PHLPP2: variants seen among roughly 807,000 people sequenced by gnomAD.
PHLPP2 encodes the protein PH domain leucine-rich repeat-containing protein phosphatase 2.
Under a neutral mutation model 124.9 loss-of-function variants are expected in PHLPP2, and 66 were observed. The ratio of observed to expected loss-of-function variants is 0.53; its 90% CI spans 0.43 to 0.65. PHLPP2 has a LOEUF of 0.65. Among genes scored for constraint, PHLPP2 ranks in the 30% least tolerant of loss-of-function variants. The pLI, the probability that PHLPP2 is intolerant of heterozygous loss-of-function variation, is 0.00. For synonymous variants in PHLPP2, 681 were observed against 624.7 expected (o/e 1.09, Z -1.34); for missense variants, 1,685 against 1,600.4 (o/e 1.05, Z -0.90).
chr16:71,704,934 G>A (rs1022126481), intron 2 of PHLPP2, among the ~76,000 whole-genome samples: 6 of 152,146 alleles, frequency 3.9e-5, no homozygotes, highest in African/African-American at 4.8e-5. Context: ...GACAAGGAGA[G>A]TAAGGATATA....
intron 1 of PHLPP2, chr16:71,715,108 T>C (rs1597019635): frequency 3.1e-6 from 1 of 322,914 alleles, no homozygotes; most frequent in Non-Finnish European, 5.7e-6. Flanking sequence ...TCCCAGCACT[T>C]TGGGGGGCCA....
chr16:71,658,631 T>A (rs1384960655), intron 14 of PHLPP2, 22 bp downstream of exon 14: 2 of 1,607,896 alleles, frequency 1.2e-6, no homozygotes, highest in Non-Finnish European at 1.7e-6. Context: ...AATAAGGACA[T>A]CATTCCAGCA....
intron 16 of PHLPP2, 74 bp downstream of exon 16, chr16:71,656,497 T>C (rs1219291622): frequency 1.2e-6 from 1 of 800,908 alleles, no homozygotes; most frequent in East Asian, 2.5e-5. Context: ...CTAGCTATTA[T>C]GAGCATCAGG....
intron 6 of PHLPP2, among the ~76,000 whole-genome samples, chr16:71,681,143 CCAGA>C (rs1191576969): frequency 2.6e-5 from 4 of 152,066 alleles, no homozygotes; most frequent in African/African-American, 9.7e-5. Context: ...CTCCAGAAGC[CCAGA>C]CAATTACTTA....
intron 2 of PHLPP2, among the ~76,000 whole-genome samples, chr16:71,713,158 C>T (rs1278386247): frequency 6.6e-6 from 1 of 152,020 alleles, no homozygotes; most frequent in African/African-American, 2.4e-5. Context: ...CAACAAAATT[C>T]CTCTCACATT....
intron 12 of PHLPP2, among the ~76,000 whole-genome samples, chr16:71,665,579 G>C (rs1213006497): frequency 2.0e-5 from 3 of 152,128 alleles, no homozygotes; most frequent in Non-Finnish European, 1.5e-5. Flanking sequence ...TGAAATATAA[G>C]TTTTACATAA....
At chr16:71,678,669 A>G in intron 8 of PHLPP2, 86 bp downstream of exon 8, 1 of 781,976 alleles carries the variant, frequency 1.3e-6, no homozygotes. Flanking sequence ...AAAAACCCTA[A>G]TGTTTTAAAC....
chr16:71,721,978 T>G (rs1317513034), intron 1 of PHLPP2, among the ~76,000 whole-genome samples: 3 of 152,176 alleles, frequency 2.0e-5, no homozygotes, highest in Non-Finnish European at 4.4e-5. Flanking sequence ...ATGTTCATGA[T>G]TTGGTATTAG....
At chr16:71,650,184 G>A (rs1287514744) in intron 18 of PHLPP2, 140 bp from the exon 19 acceptor site, 13 of 631,008 alleles carry the variant, frequency 2.1e-5, no homozygotes, top group Non-Finnish European at 3.2e-5. Context: ...ATTTTAAATG[G>A]ATGCACACAA....
At chr16:71,681,310 G>C (rs2145339980) in intron 6 of PHLPP2, among the ~76,000 whole-genome samples, 1 of 152,302 alleles carries the variant, frequency 6.6e-6, no homozygotes, top group Non-Finnish European at 1.5e-5. Context: ...TATTAGAACA[G>C]AGAAGCTTCA....
intron 3 of PHLPP2, among the ~76,000 whole-genome samples, chr16:71,690,994 T>C (rs374827975): frequency 6.6e-6 from 1 of 152,252 alleles, no homozygotes; most frequent in Admixed American, 6.5e-5. Flanking sequence ...AAAGGCAGTA[T>C]GGTAGAGTGG....
chr16:71,695,647 T>C (rs2045161833), intron 3 of PHLPP2, among the ~76,000 whole-genome samples: 2 of 150,722 alleles, frequency 1.3e-5, no homozygotes, highest in South Asian at 2.1e-4. Flanking sequence ...GGGGTGGAGG[T>C]TGCAGTGAGC....
Position 71,658,287 on chromosome 16 carries a change from T to A in PHLPP2, c.2225A>T (p.Asp742Val). The A allele has an allele frequency of 6.2e-7, 1 of 1,613,940 alleles. No homozygotes were observed. ...AACCAGATTTGTATTTCCAGTCAGG[T>A]CAAGGTCTTGTAATGTAGCAGGCAA... is the stretch of plus-strand genomic sequence containing the variant. ...EALPATLQDL[D>V]LTGNTNLVLE... Residue 742 changes from aspartate to valine, a missense_variant, in exon 15 of 19, where the codon GAC (aspartate) becomes GTC (valine). Physicochemically the swap from Asp to Val is radical, Grantham distance 152. Transcript: ENST00000568954.
At chr16:71,657,392 CT>C (rs983609014) in intron 15 of PHLPP2, among the ~76,000 whole-genome samples, 56 of 141,246 alleles carry the variant, frequency 4.0e-4, no homozygotes, top group East Asian at 8.5e-4. Context: ...ATAATATTAT[CT>C]TTTTTTTTTT....
intron 2 of PHLPP2, among the ~76,000 whole-genome samples, chr16:71,710,618 T>C (rs1398668720): frequency 2.0e-5 from 3 of 152,248 alleles, no homozygotes; most frequent in African/African-American, 7.2e-5. Flanking sequence ...TTTATTGCTA[T>C]CTGAAGTACA....
At chr16:71,650,413 A>C (rs916872524) in intron 18 of PHLPP2, among the ~76,000 whole-genome samples, 2 of 152,216 alleles carry the variant, frequency 1.3e-5, no homozygotes, top group Admixed American at 6.5e-5. Flanking sequence ...GATGAAACAG[A>C]AAGGTCACTA....
intron 2 of PHLPP2, among the ~76,000 whole-genome samples, chr16:71,709,663 T>A (rs1323671533): frequency 6.6e-6 from 1 of 152,102 alleles, no homozygotes; most frequent in African/African-American, 2.4e-5. Flanking sequence ...TAGCAGCAGA[T>A]TGAGAGACAA....
In PHLPP2 at chr16:71,647,956, TAAG is replaced by T. The variant is rs1427916028; in HGVS notation, c.*931_*933del. 6.6e-6 allele frequency: 1 copy of T among 152,630 alleles called. No individual in the cohort carries two copies. Among genetic ancestry groups the T allele is most frequent in the Non-Finnish European group, 1.5e-5 (1 of 68,044 alleles). The allele number at this position is 152,630 out of a possible 1,614,324, so 9.5% of individuals were successfully genotyped here. A position where few individuals can be genotyped will look rare whatever the true frequency, so the allele number is the denominator to read the frequency against. On this transcript the variant is annotated 3_prime_UTR_variant, in exon 19 of 19. Transcript: ENST00000568954. Reference sequence around the variant, plus strand: ...ATGGATGAAGGTGCCGGGCTGCCTCTAAGAAGATTGGCTCGAGTGCAGATTCAA... The same window carrying T: ...ATGGATGAAGGTGCCGGGCTGCCTCTAAGATTGGCTCGAGTGCAGATTCAA...
At chr16:71,692,315 T>C (rs1015349303) in intron 3 of PHLPP2, among the ~76,000 whole-genome samples, 17 of 152,136 alleles carry the variant, frequency 1.1e-4, no homozygotes, top group Admixed American at 8.5e-4. Flanking sequence ...GTGATCCGCC[T>C]GCCTCGGCCT....
Sources: gnomAD v4.1 joint callset for allele counts (sites outside exome capture counted in the v4.1 genomes callset) on GRCh38, gnomAD v4.1.1 for gene constraint, MANE v1.5 for transcripts, NCBI Gene and HGNC (gene_info 2026-07-23, HGNC 2026-07-21) for gene names.